Variants in NREP observed in about 807,000 individuals in gnomAD.
The protein encoded by NREP is neuronal regeneration related protein.
NREP carries 5 observed loss-of-function variants against 8.6 expected under a neutral mutation model. That is an observed-to-expected ratio of 0.58 (90% CI 0.30 to 1.22). The LOEUF is 1.22. Among genes scored for constraint, NREP ranks in the 50% most tolerant of loss-of-function variants. The pLI is 0.07. For synonymous variants in NREP, 27 were observed against 28.0 expected (o/e 0.96, Z 0.11); for missense variants, 86 against 82.5 (o/e 1.04, Z -0.17).
chr5:111,794,923 T>C (rs1284663506), intron 2 of NREP, among the ~76,000 whole-genome samples: 1 of 150,976 alleles, frequency 6.6e-6, no homozygotes, highest in Non-Finnish European at 1.5e-5. Context: ...GTTTTGCATA[T>C]ATGGGGGTCA....
intron 2 of NREP, among the ~76,000 whole-genome samples, chr5:111,968,197 C>G (rs1313074921): frequency 6.6e-6 from 1 of 151,648 alleles, no homozygotes; most frequent in Non-Finnish European, 1.5e-5. Context: ...AGGGAGATAT[C>G]ATTCATGCCT....
At chr5:111,785,772 C>T (rs1362216652) in intron 2 of NREP, among the ~76,000 whole-genome samples, 2 of 152,024 alleles carry the variant, frequency 1.3e-5, no homozygotes, top group Non-Finnish European at 2.9e-5. Context: ...TTATCCATAG[C>T]AGTGAATAAA....
At chr5:111,731,099 A>G in intron 3 of NREP, 53 bp from the exon 4 acceptor site, 1 of 1,591,240 alleles carries the variant, frequency 6.3e-7, no homozygotes. Context: ...AGACAAAATT[A>G]GTCATGCTTC....
At chr5:111,758,219 GCA>G (rs979402586), upstream of NREP, 3 of 985,266 alleles carry the variant, frequency 3.0e-6, no homozygotes, top group Non-Finnish European at 2.4e-6. Flanking sequence ...GGCTGCGCGT[GCA>G]CACACACACG....
chr5:111,941,250 T>A (rs1302552696), intron 2 of NREP, among the ~76,000 whole-genome samples: 1 of 152,134 alleles, frequency 6.6e-6, no homozygotes, highest in Non-Finnish European at 1.5e-5. Flanking sequence ...TATCTTGTTA[T>A]AATCTAGAGT....
rs1750665812 is a variant in NREP at position 111,755,799 on chromosome 5, AT to A, written c.-28del. On this transcript the variant is annotated 5_prime_UTR_variant, in exon 2 of 4. Coordinates refer to ENST00000257435, the MANE Select transcript of NREP (RefSeq NM_004772.4). The stretch of plus-strand genomic sequence containing the variant: ...TTGAGAATCTTAGTCTTGGGCTTCT[AT>A]TCTCCCTCTCTTCAGTCCAGGGAGA... 1 of 1,613,844 alleles carries A rather than the reference AT, an allele frequency of 6.2e-7. No homozygotes were observed. The highest frequency in any genetic ancestry group is 1.6e-4 in the Middle Eastern group (1 of 6,062).
intron 2 of NREP, among the ~76,000 whole-genome samples, chr5:111,766,333 C>T (rs1751082989): frequency 6.6e-6 from 1 of 152,092 alleles, no homozygotes; most frequent in South Asian, 2.1e-4. Flanking sequence ...AGGACAGTTC[C>T]AAGAAAAATT....
chr5:111,858,344 A>G (rs574234273), intron 2 of NREP, among the ~76,000 whole-genome samples: 3 of 152,064 alleles, frequency 2.0e-5, no homozygotes, highest in East Asian at 1.9e-4. Context: ...TTCTCTCCCT[A>G]CATGATCTGG....
At chr5:111,962,364 T>C (rs987417589) in intron 2 of NREP, among the ~76,000 whole-genome samples, 37 of 151,914 alleles carry the variant, frequency 2.4e-4, no homozygotes, top group Non-Finnish European at 4.7e-4. Context: ...ACCCCTGGCA[T>C]TCTCCAATCC....
intron 2 of NREP, among the ~76,000 whole-genome samples, chr5:111,925,624 C>G (rs368396515): frequency 6.6e-6 from 1 of 152,170 alleles, no homozygotes; most frequent in Non-Finnish European, 1.5e-5. Context: ...TTAGGACTAG[C>G]TGTCCTTCAA....
chr5:111,941,024 G>A (rs549649831), intron 2 of NREP, among the ~76,000 whole-genome samples: 5 of 152,098 alleles, frequency 3.3e-5, no homozygotes, highest in Admixed American at 3.3e-4. Flanking sequence ...CTTTTTTGGG[G>A]TAGGGAGCAA....
intron 2 of NREP, among the ~76,000 whole-genome samples, chr5:111,744,507 G>A (rs1254929834): frequency 6.6e-6 from 1 of 152,034 alleles, no homozygotes; most frequent in Non-Finnish European, 1.5e-5. Context: ...CCACTAAGAG[G>A]CTTCTAAGAA....
chr5:111,791,956 A>ATTG (rs1724634308), intron 2 of NREP, among the ~76,000 whole-genome samples: 1 of 152,194 alleles, frequency 6.6e-6, no homozygotes, highest in South Asian at 2.1e-4. Context: ...ACTTCAAAGG[A>ATTG]TTGTTATAGG....
At chr5:111,747,496 C>G (rs1750081225) in intron 2 of NREP, among the ~76,000 whole-genome samples, 1 of 152,106 alleles carries the variant, frequency 6.6e-6, no homozygotes, top group South Asian at 2.1e-4. Context: ...TGATGGTGAT[C>G]TGAGTAAGAG....
intron 2 of NREP, among the ~76,000 whole-genome samples, chr5:111,808,590 C>A (rs918346775): frequency 3.9e-5 from 6 of 152,140 alleles, no homozygotes; most frequent in Non-Finnish European, 7.3e-5. Context: ...TATTCTTTGT[C>A]CTGGAACTGA....
intron 2 of NREP, among the ~76,000 whole-genome samples, chr5:111,913,563 A>C (rs1754972416): frequency 6.6e-6 from 1 of 152,126 alleles, no homozygotes; most frequent in African/African-American, 2.4e-5. Context: ...TAAGTGACTG[A>C]AGAGTAAAAT....
intron 2 of NREP, among the ~76,000 whole-genome samples, chr5:111,970,596 C>G (rs570651110): frequency 6.6e-6 from 1 of 152,040 alleles, no homozygotes; most frequent in East Asian, 1.9e-4. Flanking sequence ...GAGGCTGAGG[C>G]GGGTGGATCA....
rs183239700 is a variant in NREP, at chr5:111,897,182, C to T, written c.135+78092G>A. On this transcript the variant is annotated intron_variant, in intron 2 of 3. Coordinates refer to the NREP transcript ENST00000395634. ...TTTTATTTTCACCACAATTTTACAA[C>T]ATAGGGAAGGCAGATATTTGGATAC... Among the ~76,000 whole-genome samples the T allele has an allele frequency of 9.2e-5, 14 of 152,106 alleles. No individual in the cohort carries two copies. The East Asian group carries it at 2.7e-3, about 29-fold the overall frequency.
chr5:111,747,798 AG>A (rs909549266), intron 2 of NREP, among the ~76,000 whole-genome samples: 80 of 151,924 alleles, frequency 5.3e-4, no homozygotes, highest in African/African-American at 1.9e-3. Context: ...GAAAATAAGG[AG>A]GAACACTGAA....
Sources: allele counts gnomAD v4.1 joint callset (sites outside exome capture counted in the v4.1 genomes callset), GRCh38; gene constraint gnomAD v4.1.1; transcripts MANE v1.5; gene names NCBI Gene and HGNC (gene_info 2026-07-23, HGNC 2026-07-21).